Variants in METTL25 observed in about 807,000 individuals in gnomAD.
METTL25 encodes methyltransferase like 25, also known as probable methyltransferase-like protein 25.
Under a neutral mutation model 71.6 loss-of-function variants are expected in METTL25, and 64 were observed. That is an observed-to-expected ratio of 0.89 (90% confidence interval 0.73 to 1.10). METTL25 has a LOEUF of 1.10. Ranked by LOEUF, METTL25 falls within the 50% of genes least tolerant of loss-of-function variation. The pLI is 0.00. For missense variants in METTL25, 807 were observed against 707.0 expected (o/e 1.14, Z -1.60); for synonymous variants, 287 against 250.3 (o/e 1.15, Z -1.38).
chr12:82,438,639 G>A (rs2717448), intron 7 of METTL25, 79 bp from the exon 8 acceptor site: 865,098 of 865,804 alleles, frequency 1, 432,198 homozygotes, highest in Middle Eastern at 1. Flanking sequence ...ACAGTCACGT[G>A]TGGTTCCAAC....
Position 82,396,426 on chromosome 12 carries a change from C to T in METTL25, c.532-2369C>T, listed in dbSNP as rs1176394589. ...TTGAAACGTTTTGAGGATTTAATTA[C>T]GGTTATGCATTACTGTAAGTATAGG... On this transcript the variant is annotated intron_variant, in intron 3 of 11. Transcript: ENST00000248306. 3.3e-5 allele frequency among the ~76,000 whole-genome samples: 5 copies of T among 151,964 alleles called. No homozygotes were observed. The East Asian group carries it at 5.8e-4, about 18-fold the overall frequency.
chr12:82,475,068 C>T (rs1465440271), intron 9 of METTL25, among the ~76,000 whole-genome samples: 3 of 152,058 alleles, frequency 2.0e-5, no homozygotes, highest in African/African-American at 4.8e-5. Context: ...TGGTGCTTCC[C>T]AATTTGGCAC....
rs114590971 is a variant in METTL25 at position 82,384,952 on chromosome 12, T to G, written c.260-1851T>G. 9.9e-3 allele frequency among the ~76,000 whole-genome samples: 1,503 copies of G among 152,262 alleles called. 24 individuals are homozygous for G. Among genetic ancestry groups the G allele is most frequent in the African/African-American group, 0.034 (1,417 of 41,538 alleles). Reference sequence around the variant, plus strand: ...CTCCCCTTAAACCTGAGAATTTCACTTAATAGTTGACTGAGTTTTCCAGTT... The same window carrying G: ...CTCCCCTTAAACCTGAGAATTTCACGTAATAGTTGACTGAGTTTTCCAGTT... On this transcript the variant is annotated intron_variant, in intron 1 of 11. Transcript: ENST00000248306.
chr12:82,378,106 G>C (rs1884063638), intron 1 of METTL25, among the ~76,000 whole-genome samples: 1 of 151,912 alleles, frequency 6.6e-6, no homozygotes, highest in African/African-American at 2.4e-5. Context: ...AAAACTGTTG[G>C]TTCTCCTCTG....
intron 9 of METTL25, among the ~76,000 whole-genome samples, chr12:82,467,454 A>G (rs1313933723): frequency 6.6e-6 from 1 of 152,094 alleles, no homozygotes; most frequent in Non-Finnish European, 1.5e-5. Flanking sequence ...TTTAAAGGCC[A>G]GTCTAAGGGC....
At chr12:82,474,361 G>C (rs1364272071) in intron 9 of METTL25, 1 of 152,264 alleles carries the variant, frequency 6.6e-6, no homozygotes, top group African/African-American at 2.4e-5. Context: ...GCACTCCAGT[G>C]CTCTCTGTTC....
At chr12:82,412,249 T>C (rs925794555) in intron 5 of METTL25, among the ~76,000 whole-genome samples, 2 of 152,138 alleles carry the variant, frequency 1.3e-5, no homozygotes, top group Non-Finnish European at 2.9e-5. Flanking sequence ...TTATAACACA[T>C]GCATTCCTGT....
intron 5 of METTL25, among the ~76,000 whole-genome samples, chr12:82,409,963 C>G (rs1037017535): frequency 1.3e-5 from 2 of 151,980 alleles, no homozygotes; most frequent in African/African-American, 4.8e-5. Context: ...TAAGTTGTAT[C>G]ATCTCTGGAA....
In METTL25 at chr12:82,476,702, T is replaced by G; in HGVS notation, c.1631T>G (p.Leu544Arg). 1 of 1,594,480 alleles carries G rather than the reference T, an allele frequency of 6.3e-7. No homozygotes were observed. The highest frequency in any genetic ancestry group is 8.5e-7 in the Non-Finnish European group (1 of 1,170,880). The change falls in exon 10 of 12, where the codon CTG (leucine) becomes CGG (arginine). Residue 544 changes from leucine (L) to arginine (R), a missense_variant. Physicochemically the swap from Leu to Arg is moderately radical, Grantham distance 102. Transcript: ENST00000248306. ...AAGTATAAGCCTCGAATGAATGAGC[T>G]GGAAGCTTTTAATATGGTAAATCTC... is the stretch of plus-strand genomic sequence containing the variant. ...YEKYKPRMNE[L>R]EAFNMLKVVL... is the part of the protein sequence containing the mutation.
chr12:82,392,788 A>G (rs901131584), intron 3 of METTL25, among the ~76,000 whole-genome samples: 2 of 152,010 alleles, frequency 1.3e-5, no homozygotes, highest in Non-Finnish European at 2.9e-5. Flanking sequence ...TAAGTCTTTA[A>G]TCCATTTTGA....
intron 9 of METTL25, among the ~76,000 whole-genome samples, chr12:82,457,726 G>A (rs953850494): frequency 2.0e-5 from 3 of 151,754 alleles, no homozygotes; most frequent in Non-Finnish European, 4.4e-5. Flanking sequence ...TTTAATTATC[G>A]TAATCCCTTT....
In METTL25 at chr12:82,399,617, T is replaced by C. The variant is rs527617328; in HGVS notation, c.1131+223T>C. Among the ~76,000 whole-genome samples the C allele has an allele frequency of 2.0e-5, 3 of 152,254 alleles. No homozygotes were observed. The East Asian group carries it at 5.8e-4, about 29-fold the overall frequency. On this transcript the variant is annotated intron_variant, in intron 4 of 11. Coordinates refer to ENST00000248306, the MANE Select transcript of METTL25 (RefSeq NM_032230.3). ...CTCATTTCAAGCCTCTTAAATCAAATTGAAGTCCTGGCACAAAAGCTAGTA... is the reference window on the plus strand; with the variant it reads ...CTCATTTCAAGCCTCTTAAATCAAACTGAAGTCCTGGCACAAAAGCTAGTA...
At chr12:82,411,865 C>T (rs1273084497) in intron 5 of METTL25, among the ~76,000 whole-genome samples, 1 of 151,990 alleles carries the variant, frequency 6.6e-6, no homozygotes, top group Non-Finnish European at 1.5e-5. Context: ...CTTCGGTATT[C>T]CTTGAGAAGG....
At chr12:82,438,922 T>A in intron 8 of METTL25, 131 bp downstream of exon 8, 1 of 664,664 alleles carries the variant, frequency 1.5e-6, no homozygotes, top group African/African-American at 1.9e-5. Context: ...ATAATGTCAA[T>A]AACAAGTACA....
intron 8 of METTL25, among the ~76,000 whole-genome samples, chr12:82,455,650 G>A (rs1891438649): frequency 6.6e-6 from 1 of 151,856 alleles, no homozygotes; most frequent in Non-Finnish European, 1.5e-5. Flanking sequence ...ATGTACCAAG[G>A]CAGAAATGTG....
At chr12:82,426,188 A>T (rs1366208599) in intron 5 of METTL25, among the ~76,000 whole-genome samples, 1 of 152,094 alleles carries the variant, frequency 6.6e-6, no homozygotes, top group African/African-American at 2.4e-5. Context: ...TTGAGGATCT[A>T]CATAAAAGGC....
chr12:82,407,125 A>G (rs1887163919), intron 5 of METTL25, among the ~76,000 whole-genome samples: 2 of 152,120 alleles, frequency 1.3e-5, no homozygotes, highest in Non-Finnish European at 2.9e-5. Context: ...TGTTTTCCAA[A>G]AATCTCTTCT....
chr12:82,389,067 A>G (rs1885328988), intron 2 of METTL25, among the ~76,000 whole-genome samples: 2 of 152,056 alleles, frequency 1.3e-5, no homozygotes, highest in African/African-American at 4.8e-5. Flanking sequence ...TCAGTTCCCT[A>G]CCACTCAACT....
chr12:82,369,565 G>C (rs537744586), intron 1 of METTL25: 1 of 407,834 alleles, frequency 2.5e-6, no homozygotes, highest in Non-Finnish European at 4.8e-6. Context: ...TTCACGGTGA[G>C]TGTTAACAGC....
Sources: gnomAD v4.1 joint callset for allele counts (sites outside exome capture counted in the v4.1 genomes callset) on GRCh38, gnomAD v4.1.1 for gene constraint, MANE v1.5 for transcripts, NCBI Gene and HGNC (gene_info 2026-07-23, HGNC 2026-07-21) for gene names.